ZDHHC17: variants seen among roughly 807,000 people sequenced by gnomAD.
ZDHHC17 encodes zDHHC palmitoyltransferase 17, also known as palmitoyltransferase ZDHHC17.
In ZDHHC17, 40 loss-of-function variants were observed where a neutral mutation model predicts 90.3. That is an observed-to-expected ratio of 0.44 (90% CI 0.34 to 0.58). The LOEUF is 0.58. Among genes scored for constraint, ZDHHC17 ranks in the 20% least tolerant of loss-of-function variants. The pLI is 0.01. For synonymous variants in ZDHHC17, 235 were observed against 252.4 expected (o/e 0.93, Z 0.65); for missense variants, 614 against 780.8 (o/e 0.79, Z 2.55).
At chr12:76,787,866 G>C (rs1952709421) in intron 1 of ZDHHC17, among the ~76,000 whole-genome samples, 1 of 152,158 alleles carries the variant, frequency 6.6e-6, no homozygotes, top group South Asian at 2.1e-4. Context: ...ACAACTCTCA[G>C]AATCATATTA....
In ZDHHC17 at chr12:76,764,193, CCGCCTCGCCCGA is replaced by C; in HGVS notation, c.-43_-32del. On this transcript the variant is annotated 5_prime_UTR_variant, in exon 1 of 17. Transcript: ENST00000426126. ...CTCGCGCTCGCCCCGCGCTCGCCCT[CCGCCTCGCCCGA>C]GCCCCGGGAGGGTGAAACGCTTTCT... 6.7e-7 allele frequency: 1 copy of C among 1,487,762 alleles called. No homozygotes were observed. The highest frequency in any genetic ancestry group is 9.0e-7 in the Non-Finnish European group (1 of 1,105,522). 92.2% of individuals were successfully genotyped at this position (1,487,762 alleles called of 1,614,324 possible).
intron 1 of ZDHHC17, among the ~76,000 whole-genome samples, chr12:76,777,236 A>G (rs1197762806): frequency 6.6e-6 from 1 of 152,078 alleles, no homozygotes. Flanking sequence ...CCTGTTCTCC[A>G]TTTCTATTAT....
At chr12:76,800,451 C>T (rs1214229654) in intron 2 of ZDHHC17, among the ~76,000 whole-genome samples, 2 of 152,188 alleles carry the variant, frequency 1.3e-5, no homozygotes, top group African/African-American at 4.8e-5. Context: ...AAGTCTCTAG[C>T]TCTTACTGTA....
intron 10 of ZDHHC17, among the ~76,000 whole-genome samples, chr12:76,834,270 CATAGT>C (rs759403732): frequency 4.6e-5 from 7 of 152,104 alleles, no homozygotes; most frequent in Non-Finnish European, 8.8e-5. Flanking sequence ...AATTGACTGA[CATAGT>C]ATAGTCAACT....
chr12:76,827,102 T>A, intron 9 of ZDHHC17, 52 bp downstream of exon 9: 1 of 1,488,666 alleles, frequency 6.7e-7, no homozygotes, highest in Non-Finnish European at 8.9e-7. Flanking sequence ...AATAATATAA[T>A]TTGTACTCTT....
intron 7 of ZDHHC17, among the ~76,000 whole-genome samples, chr12:76,820,129 G>T (rs975957996): frequency 5.9e-5 from 9 of 152,008 alleles, no homozygotes; most frequent in Non-Finnish European, 1.3e-4. Flanking sequence ...GTAGACTTTG[G>T]TTGGAGGAGG....
intron 1 of ZDHHC17, among the ~76,000 whole-genome samples, chr12:76,788,063 G>A (rs943867978): frequency 2.0e-4 from 30 of 152,118 alleles, no homozygotes; most frequent in African/African-American, 6.0e-4. Flanking sequence ...TCTAGCCTGG[G>A]CAACATAGTG....
At chr12:76,850,790 A>C (rs573295369) in intron 16 of ZDHHC17, 57 bp from the exon 17 acceptor site, 1,611 of 1,552,586 alleles carry the variant, frequency 1.0e-3, no homozygotes, top group Non-Finnish European at 1.4e-3. Flanking sequence ...TATTGAATTC[A>C]TGTATTAAAT....
At chr12:76,848,080 GTTAT>G (rs2137808682) in intron 14 of ZDHHC17, among the ~76,000 whole-genome samples, 149 bp from the exon 15 acceptor site, 1 of 152,178 alleles carries the variant, frequency 6.6e-6, no homozygotes, top group South Asian at 2.1e-4. Context: ...ATATAATAGG[GTTAT>G]TTAAGAGTAT....
chr12:76,794,089 G>A (rs1952792144), intron 1 of ZDHHC17, among the ~76,000 whole-genome samples: 1 of 152,034 alleles, frequency 6.6e-6, no homozygotes, highest in Non-Finnish European at 1.5e-5. Context: ...GTTTCACTGT[G>A]TTAGCCAGGA....
intron 9 of ZDHHC17, 106 bp from the exon 10 acceptor site, chr12:76,828,284 G>A (rs958980133): frequency 1.1e-5 from 11 of 972,264 alleles, no homozygotes; most frequent in Non-Finnish European, 1.6e-5. Flanking sequence ...GGATTCTGGT[G>A]AAACCAATGC....
At chr12:76,849,599 A>C in intron 16 of ZDHHC17, 129 bp downstream of exon 16, 1 of 581,500 alleles carries the variant, frequency 1.7e-6, no homozygotes, top group Non-Finnish European at 3.0e-6. Context: ...AAATAGCATC[A>C]GTTCACCATA....
intron 10 of ZDHHC17, among the ~76,000 whole-genome samples, chr12:76,838,437 G>A (rs1953395178): frequency 6.6e-6 from 1 of 152,112 alleles, no homozygotes; most frequent in Non-Finnish European, 1.5e-5. Flanking sequence ...AATCTTTGAA[G>A]TTTTTCCTGT....
intron 10 of ZDHHC17, among the ~76,000 whole-genome samples, chr12:76,835,669 C>T (rs1360432110): frequency 6.6e-6 from 1 of 151,912 alleles, no homozygotes; most frequent in Non-Finnish European, 1.5e-5. Flanking sequence ...ATGGGGTAAT[C>T]ATATGTATAA....
At chr12:76,812,446 G>A (rs942982276) in intron 5 of ZDHHC17, among the ~76,000 whole-genome samples, 1 of 151,936 alleles carries the variant, frequency 6.6e-6, no homozygotes, top group African/African-American at 2.4e-5. Context: ...TCAGTCAGAT[G>A]GTTGCTCAAA....
At chr12:76,806,252 A>G (rs1015647517) in intron 3 of ZDHHC17, among the ~76,000 whole-genome samples, 1 of 151,690 alleles carries the variant, frequency 6.6e-6, no homozygotes, top group African/African-American at 2.4e-5. Context: ...ATACCACCAC[A>G]CCCAACTAAT....
chr12:76,764,441 T>G, intron 1 of ZDHHC17, 112 bp downstream of exon 1: 2 of 920,238 alleles, frequency 2.2e-6, no homozygotes, highest in Non-Finnish European at 1.6e-6. Context: ...GTGCCGAAGT[T>G]GGGGAGGGTG....
intron 2 of ZDHHC17, among the ~76,000 whole-genome samples, chr12:76,799,711 A>G (rs373189687): frequency 2.6e-5 from 4 of 152,260 alleles, no homozygotes; most frequent in African/African-American, 7.2e-5. Flanking sequence ...GTGCAACAAC[A>G]TAGAGAAATC....
At chr12:76,830,569 A>G (rs1463826465) in intron 10 of ZDHHC17, among the ~76,000 whole-genome samples, 2 of 152,204 alleles carry the variant, frequency 1.3e-5, no homozygotes, top group African/African-American at 4.8e-5. Context: ...TAGAATTGCC[A>G]TATTGGAACA....
Sources: gnomAD v4.1 joint callset for allele counts (sites outside exome capture counted in the v4.1 genomes callset) on GRCh38, gnomAD v4.1.1 for gene constraint, MANE v1.5 for transcripts, NCBI Gene and HGNC (gene_info 2026-07-23, HGNC 2026-07-21) for gene names.